Variants in CDKAL1 observed in about 807,000 individuals in gnomAD.
The protein encoded by CDKAL1 is CDKAL1 threonylcarbamoyladenosine tRNA methylthiotransferase.
CDKAL1 carries 32 observed loss-of-function variants against 68.2 expected under a neutral mutation model. The observed-to-expected ratio is 0.47, with a 90% CI of 0.35 to 0.63. CDKAL1 has a LOEUF of 0.63. CDKAL1 is among the 30% of genes least tolerant of loss of function. CDKAL1 has a pLI of 0.00. For synonymous variants in CDKAL1, 234 were observed against 244.3 expected (o/e 0.96, Z 0.39); for missense variants, 606 against 696.7 (o/e 0.87, Z 1.47).
In CDKAL1 at chr6:21,197,988, C is replaced by A. The variant is rs112700929; in HGVS notation, c.1300-33C>A. On this transcript the variant is annotated intron_variant, in intron 13 of 15. Coordinates refer to ENST00000274695, the MANE Select transcript of CDKAL1 (RefSeq NM_017774.3). ...TGGATTCACAGGTGTTTACCCTTAT[C>A]TTTCCTTTCTTTCCCTCCCCTTCTC... 236 of 1,411,024 alleles carry A rather than the reference C, an allele frequency of 1.7e-4. 2 individuals are homozygous for A. The African/African-American group carries it at 2.7e-3, about 16-fold the overall frequency. The allele number at this position is 1,411,024 out of a possible 1,614,324, so 87.4% of individuals were successfully genotyped here.
intron 8 of CDKAL1, 105 bp from the exon 9 acceptor site, chr6:20,845,970 A>G: frequency 3.1e-6 from 2 of 649,266 alleles, no homozygotes; most frequent in Non-Finnish European, 5.2e-6. Flanking sequence ...AAACCAAGCA[A>G]ATGTTTCTGA....
chr6:20,861,242 G>A (rs1488877462), intron 9 of CDKAL1, among the ~76,000 whole-genome samples: 1 of 152,186 alleles, frequency 6.6e-6, no homozygotes, highest in Non-Finnish European at 1.5e-5. Context: ...CTGATTCAGA[G>A]ATCAAGGCCA....
At position 20,680,722 on chromosome 6, in the gene CDKAL1, G is replaced by A. The variant is rs182374760; in HGVS notation, c.371+31345G>A. On this transcript the variant is annotated intron_variant, in intron 5 of 15. Transcript: ENST00000274695. ...TCATTCTGACTGAAGGAAAACTTTTGCTTTCTGCATGGAGCTTTGTATAGA... is the reference window on the plus strand; with the variant it reads ...TCATTCTGACTGAAGGAAAACTTTTACTTTCTGCATGGAGCTTTGTATAGA... 2.0e-5 allele frequency among the ~76,000 whole-genome samples: 3 copies of A among 152,278 alleles called. No individual in the cohort carries two copies. The East Asian group carries it at 5.8e-4, about 29-fold the overall frequency.
At chr6:20,676,665 T>TTAAATAAA (rs146546357) in intron 5 of CDKAL1, among the ~76,000 whole-genome samples, 233 of 132,896 alleles carry the variant, frequency 1.8e-3, no homozygotes, top group African/African-American at 4.2e-3. Flanking sequence ...AGACTCTGTC[T>TTAAATAAA]TAAATAAATA....
intron 11 of CDKAL1, among the ~76,000 whole-genome samples, chr6:21,050,103 T>A (rs1770461533): frequency 6.6e-6 from 1 of 152,210 alleles, no homozygotes; most frequent in Non-Finnish European, 1.5e-5. Context: ...TTTTGCTTAT[T>A]AAAAGTTTTA....
intron 12 of CDKAL1, among the ~76,000 whole-genome samples, chr6:21,102,853 C>T (rs574508307): frequency 6.6e-6 from 1 of 152,284 alleles, no homozygotes; most frequent in African/African-American, 2.4e-5. Flanking sequence ...CTTATCTTTT[C>T]CTCCTACCTT....
chr6:20,566,029 T>C (rs1312578654), intron 4 of CDKAL1, among the ~76,000 whole-genome samples: 1 of 152,052 alleles, frequency 6.6e-6, no homozygotes, highest in Non-Finnish European at 1.5e-5. Context: ...TGGACAAAGA[T>C]AGTTAAGTGT....
intron 8 of CDKAL1, among the ~76,000 whole-genome samples, chr6:20,791,810 C>G (rs1269704348): frequency 2.0e-5 from 3 of 152,024 alleles, no homozygotes; most frequent in Non-Finnish European, 4.4e-5. Flanking sequence ...ACCATTGTGC[C>G]TTCCTTTCTT....
intron 4 of CDKAL1, among the ~76,000 whole-genome samples, chr6:20,605,189 T>C (rs1443913546): frequency 6.6e-6 from 1 of 152,028 alleles, no homozygotes; most frequent in Non-Finnish European, 1.5e-5. Context: ...AGTACTTCCA[T>C]CCCCAACAGT....
At chr6:20,965,125 A>G (rs1765237674) in intron 10 of CDKAL1, among the ~76,000 whole-genome samples, 1 of 152,136 alleles carries the variant, frequency 6.6e-6, no homozygotes, top group African/African-American at 2.4e-5. Context: ...AGCCTGTTCA[A>G]TACAGTGAGA....
In CDKAL1 at chr6:20,888,597, G is replaced by A. The variant is rs543898292; in HGVS notation, c.742+42419G>A. 5.6e-3 allele frequency among the ~76,000 whole-genome samples: 728 copies of A among 131,114 alleles called. 1 individual carries two copies. Among genetic ancestry groups the A allele is most frequent in the Middle Eastern group, 0.015 (3 of 204 alleles). 86.0% of individuals were successfully genotyped at this position (131,114 alleles called of 152,430 possible). ...CATGTGTTCTCATTGTTCAATTCCCGCCTATGAGTGAGAACATGAGGTGTT... is the reference window on the plus strand; with the variant it reads ...CATGTGTTCTCATTGTTCAATTCCCACCTATGAGTGAGAACATGAGGTGTT... On this transcript the variant is annotated intron_variant, in intron 9 of 15. Coordinates refer to ENST00000274695, the MANE Select transcript of CDKAL1 (RefSeq NM_017774.3).
At chr6:21,186,276 G>T (rs1428669949) in intron 13 of CDKAL1, among the ~76,000 whole-genome samples, 1 of 152,058 alleles carries the variant, frequency 6.6e-6, no homozygotes, top group Non-Finnish European at 1.5e-5. Context: ...AGATGGTGGG[G>T]TGTACTGCAC....
intron 9 of CDKAL1, among the ~76,000 whole-genome samples, chr6:20,904,284 C>T (rs1414917531): frequency 6.6e-6 from 1 of 152,116 alleles, no homozygotes; most frequent in African/African-American, 2.4e-5. Context: ...ACCTATAACC[C>T]CAACACTTTG....
At chr6:20,981,435 C>T (rs1435453415) in intron 10 of CDKAL1, among the ~76,000 whole-genome samples, 2 of 152,150 alleles carry the variant, frequency 1.3e-5, no homozygotes, top group Admixed American at 6.5e-5. Context: ...CTTAGATACC[C>T]CTTGCAAAAT....
intron 5 of CDKAL1, among the ~76,000 whole-genome samples, chr6:20,662,503 T>G (rs1769334388): frequency 6.6e-6 from 1 of 152,130 alleles, no homozygotes; most frequent in African/African-American, 2.4e-5. Flanking sequence ...ACTGTACCTT[T>G]GATGAAAGGA....
At chr6:20,629,194 A>C (rs989765624) in intron 4 of CDKAL1, among the ~76,000 whole-genome samples, 7 of 152,068 alleles carry the variant, frequency 4.6e-5, no homozygotes, top group South Asian at 2.1e-4. Context: ...TACTTGAGTG[A>C]TTGTGTCTTG....
chr6:21,107,318 C>A (rs949493759), intron 12 of CDKAL1, among the ~76,000 whole-genome samples: 1 of 152,168 alleles, frequency 6.6e-6, no homozygotes, highest in Non-Finnish European at 1.5e-5. Context: ...GTCACAGATA[C>A]ACTAAGGAGC....
chr6:21,059,545 G>C (rs112945246), intron 11 of CDKAL1, among the ~76,000 whole-genome samples: 2 of 152,336 alleles, frequency 1.3e-5, no homozygotes, highest in African/African-American at 4.8e-5. Flanking sequence ...CTGTGAGTGA[G>C]AGCTCCCCTT....
At chr6:20,626,671 G>T (rs535136125) in intron 4 of CDKAL1, among the ~76,000 whole-genome samples, 2 of 152,198 alleles carry the variant, frequency 1.3e-5, no homozygotes, top group East Asian at 3.9e-4. Context: ...GTAGATATCT[G>T]CCAACATTGA....
Sources: gnomAD v4.1 joint callset for allele counts (sites outside exome capture counted in the v4.1 genomes callset) on GRCh38, gnomAD v4.1.1 for gene constraint, MANE v1.5 for transcripts, NCBI Gene and HGNC (gene_info 2026-07-23, HGNC 2026-07-21) for gene names.